Variants in CNTN5 observed in about 807,000 individuals in gnomAD.
CNTN5 encodes the protein contactin 5, also known as contactin-5.
In CNTN5, 77 loss-of-function variants were observed where a neutral mutation model predicts 129.1. The ratio of observed to expected loss-of-function variants is 0.60; its 90% CI spans 0.50 to 0.72. CNTN5 has a LOEUF of 0.72. Ranked by LOEUF, CNTN5 falls within the 30% of genes least tolerant of loss-of-function variation. The probability of loss-of-function intolerance (pLI) is 0.00; values close to 1 mark genes in which losing one functional copy is unlikely to be tolerated. For missense variants in CNTN5, 1,478 were observed against 1,328.8 expected, an observed-to-expected ratio of 1.11 and a Z score of -1.75; for synonymous variants, 509 against 465.6, an observed-to-expected ratio of 1.09 and a Z score of -1.20.
At chr11:99,245,513 G>T (rs1206371853) in intron 1 of CNTN5, among the ~76,000 whole-genome samples, 2 of 151,934 alleles carry the variant, frequency 1.3e-5, no homozygotes, top group Non-Finnish European at 2.9e-5. Flanking sequence ...TAGAGACGGG[G>T]TTTCACCATG....
intron 2 of CNTN5, among the ~76,000 whole-genome samples, chr11:99,405,406 T>G (rs532380653): frequency 1.6e-4 from 25 of 152,186 alleles, no homozygotes; most frequent in Admixed American, 2.6e-4. Flanking sequence ...TTATTTATTC[T>G]TATCTCTCTT....
intron 1 of CNTN5, among the ~76,000 whole-genome samples, chr11:99,103,568 C>T (rs1866845118): frequency 6.6e-6 from 1 of 152,004 alleles, no homozygotes; most frequent in Non-Finnish European, 1.5e-5. Flanking sequence ...AGGAAATTTT[C>T]ACAAATATGA....
At chr11:99,347,047 A>G (rs1451160766) in intron 2 of CNTN5, among the ~76,000 whole-genome samples, 1 of 152,206 alleles carries the variant, frequency 6.6e-6, no homozygotes, top group African/African-American at 2.4e-5. Flanking sequence ...TGTATGCAAA[A>G]TCTCATTTAT....
chr11:99,121,193 G>A (rs1858307204), intron 1 of CNTN5, among the ~76,000 whole-genome samples: 1 of 149,314 alleles, frequency 6.7e-6, no homozygotes, highest in African/African-American at 2.5e-5. Flanking sequence ...GGAGTGCAGT[G>A]GCACCATCTG....
At chr11:99,205,177 A>C (rs1859415405) in intron 1 of CNTN5, among the ~76,000 whole-genome samples, 2 of 62,836 alleles carry the variant, frequency 3.2e-5, no homozygotes, top group Non-Finnish European at 6.4e-5. Context: ...ACAAACAAAC[A>C]AAAAAAACTC....
chr11:100,023,377 C>A (rs912680344), intron 9 of CNTN5, among the ~76,000 whole-genome samples: 3 of 152,098 alleles, frequency 2.0e-5, no homozygotes, highest in South Asian at 4.1e-4. Flanking sequence ...TTTAGGCTGA[C>A]CGCAAAAGTG....
At chr11:99,790,094 C>T (rs1945685052) in intron 3 of CNTN5, among the ~76,000 whole-genome samples, 1 of 151,916 alleles carries the variant, frequency 6.6e-6, no homozygotes, top group Non-Finnish European at 1.5e-5. Flanking sequence ...TGTGTTTCTG[C>T]AAAACTGAAT....
chr11:100,051,210 C>T (rs1290358502), intron 9 of CNTN5, among the ~76,000 whole-genome samples: 2 of 151,912 alleles, frequency 1.3e-5, no homozygotes, highest in Non-Finnish European at 2.9e-5. Context: ...CACTTATCTG[C>T]ACATGGAATA....
At chr11:99,952,170 A>G (rs1319335095) in intron 7 of CNTN5, among the ~76,000 whole-genome samples, 3 of 152,182 alleles carry the variant, frequency 2.0e-5, no homozygotes, top group Admixed American at 2.0e-4. Context: ...TAAGCGGACA[A>G]TTCTCTACAA....
intron 13 of CNTN5, among the ~76,000 whole-genome samples, chr11:100,080,576 G>A (rs1420436472): frequency 1.3e-5 from 2 of 152,088 alleles, no homozygotes; most frequent in African/African-American, 2.4e-5. Flanking sequence ...TGAGAAGAAA[G>A]CAAGGTCTTC....
chr11:99,189,903 TAG>T (rs1858547886), intron 1 of CNTN5, among the ~76,000 whole-genome samples: 1 of 151,722 alleles, frequency 6.6e-6, no homozygotes, highest in African/African-American at 2.4e-5. Context: ...AAAAGATTTT[TAG>T]TTTGATGTAA....
At chr11:99,371,231 T>C (rs902273079) in intron 2 of CNTN5, among the ~76,000 whole-genome samples, 2 of 152,186 alleles carry the variant, frequency 1.3e-5, no homozygotes, top group Admixed American at 6.6e-5. Flanking sequence ...GGTATCATTC[T>C]ATATTCAAAT....
chr11:99,854,069 C>T (rs1202296360), intron 6 of CNTN5, among the ~76,000 whole-genome samples: 1 of 152,138 alleles, frequency 6.6e-6, no homozygotes, highest in African/African-American at 2.4e-5. Flanking sequence ...GGACATTGTT[C>T]TGGGTGTTAG....
chr11:100,171,851 A>G (rs545809329), intron 13 of CNTN5, among the ~76,000 whole-genome samples: 4 of 152,194 alleles, frequency 2.6e-5, no homozygotes, highest in Non-Finnish European at 4.4e-5. Flanking sequence ...TAAAAGAAAA[A>G]AAAACCTCTA....
At chr11:99,612,038 C>T (rs1381043345) in intron 3 of CNTN5, among the ~76,000 whole-genome samples, 2 of 152,140 alleles carry the variant, frequency 1.3e-5, no homozygotes, top group African/African-American at 4.8e-5. Flanking sequence ...GAGCCACAAC[C>T]TTCAAAATAG....
chr11:99,183,441 CT>C (rs1258860796), intron 1 of CNTN5, among the ~76,000 whole-genome samples: 1 of 152,122 alleles, frequency 6.6e-6, no homozygotes, highest in Non-Finnish European at 1.5e-5. Flanking sequence ...TCAGATGACT[CT>C]TTTCAGTCTG....
At chr11:99,207,124 T>C (rs898035395) in intron 1 of CNTN5, among the ~76,000 whole-genome samples, 2 of 152,142 alleles carry the variant, frequency 1.3e-5, no homozygotes, top group African/African-American at 4.8e-5. Context: ...TTATAAGTGG[T>C]ATTAAAATAT....
At chr11:100,319,317 T>C (rs1358450511) in intron 21 of CNTN5, among the ~76,000 whole-genome samples, 1 of 151,922 alleles carries the variant, frequency 6.6e-6, no homozygotes, top group East Asian at 1.9e-4. Flanking sequence ...TGTGCCCAGG[T>C]GATTTTTGTA....
chr11:99,360,866 T>G (rs1939062154), intron 2 of CNTN5, among the ~76,000 whole-genome samples: 1 of 152,234 alleles, frequency 6.6e-6, no homozygotes, highest in South Asian at 2.1e-4. Flanking sequence ...TCTAATTCTT[T>G]TTTGATTACA....
Sources: gnomAD v4.1 joint callset for allele counts (sites outside exome capture counted in the v4.1 genomes callset) on GRCh38, gnomAD v4.1.1 for gene constraint, MANE v1.5 for transcripts, NCBI Gene and HGNC (gene_info 2026-07-23, HGNC 2026-07-21) for gene names.